KAZN: variants seen among roughly 807,000 people sequenced by gnomAD.
The protein encoded by KAZN is kazrin.
Under a neutral mutation model 87.4 loss-of-function variants are expected in KAZN, and 40 were observed. The observed-to-expected ratio is 0.46, with a 90% CI of 0.36 to 0.60. The LOEUF (loss-of-function observed/expected upper bound fraction) is 0.60. KAZN is among the 20% of genes least tolerant of loss of function. KAZN has a pLI of 0.00. For synonymous variants in KAZN, 466 were observed against 458.3 expected (o/e 1.02, Z -0.22); for missense variants, 898 against 1,073.9 (o/e 0.84, Z 2.29).
chr1:14,392,745 C>T (rs529401907), intron 2 of KAZN, among the ~76,000 whole-genome samples: 56 of 151,124 alleles, frequency 3.7e-4, no homozygotes, highest in Non-Finnish European at 6.6e-4. Flanking sequence ...TGGGCGGAGG[C>T]GGGTGTGGGG....
chr1:14,232,261 G>A (rs765054445), intron 2 of KAZN, among the ~76,000 whole-genome samples: 10 of 152,148 alleles, frequency 6.6e-5, no homozygotes, highest in East Asian at 1.9e-4. Flanking sequence ...GTGTGTGTGC[G>A]CATGTATGTG....
At chr1:14,453,253 C>G (rs968461318) in intron 2 of KAZN, among the ~76,000 whole-genome samples, 3 of 152,012 alleles carry the variant, frequency 2.0e-5, no homozygotes, top group Non-Finnish European at 4.4e-5. Context: ...CCGTGCCTGG[C>G]CAAAATAGGC....
chr1:14,265,532 C>T (rs1399995224), intron 2 of KAZN, among the ~76,000 whole-genome samples: 1 of 152,138 alleles, frequency 6.6e-6, no homozygotes, highest in Non-Finnish European at 1.5e-5. Flanking sequence ...GTCAAGTGAC[C>T]ACAAGTGTCA....
intron 1 of KAZN, among the ~76,000 whole-genome samples, chr1:14,849,384 T>C (rs1402497745): frequency 6.6e-6 from 1 of 152,186 alleles, no homozygotes; most frequent in Non-Finnish European, 1.5e-5. Flanking sequence ...TATTTGCCAC[T>C]AACATTTTTG....
intron 1 of KAZN, chr1:14,692,047 T>TAA: frequency 1.8e-5 from 4 of 225,836 alleles, no homozygotes; most frequent in East Asian, 9.6e-5. Flanking sequence ...ACAGTAGTGG[T>TAA]AAAAAAAAAA....
intron 2 of KAZN, among the ~76,000 whole-genome samples, chr1:15,008,929 T>C (rs1347617843): frequency 2.0e-5 from 3 of 152,234 alleles, no homozygotes; most frequent in African/African-American, 7.2e-5. Context: ...GTTCCTGTTA[T>C]TCCCCCCTGG....
chr1:14,041,307 A>G (rs1204351055), intron 1 of KAZN, among the ~76,000 whole-genome samples: 1 of 152,226 alleles, frequency 6.6e-6, no homozygotes, highest in Admixed American at 6.5e-5. Context: ...CATTATTATG[A>G]CTATGCAGAT....
intron 1 of KAZN, among the ~76,000 whole-genome samples, chr1:14,129,881 G>A (rs1461139670): frequency 1.1e-4 from 16 of 152,184 alleles, no homozygotes; most frequent in Non-Finnish European, 2.2e-4. Flanking sequence ...CGATTCTGCT[G>A]CCTGATGGAT....
rs1253831113 is a variant in KAZN, at chr1:15,081,231, G to C, written c.1223-12949G>C. Among the ~76,000 whole-genome samples, 4 of 152,362 alleles carry C rather than the reference G, an allele frequency of 2.6e-5. No individual in the cohort carries two copies. Among genetic ancestry groups the C allele is most frequent in the Middle Eastern group, 3.4e-3 (1 of 294 alleles). On this transcript the variant is annotated intron_variant, in intron 8 of 14. Coordinates refer to ENST00000376030, the MANE Select transcript of KAZN (RefSeq NM_201628.3). This position sits in a 1 kb window ranked among gnomAD's most constrained non-coding sequence, Gnocchi z 4.1. ...TGCTGGGCCAGGGCTGGCTCACACA[G>C]GCCCACGGATGGCTCTCTTCCCAAC...
At chr1:13,995,219 C>CAAAAAAAAAAAAAAAAAA (rs113600200) in intron 1 of KAZN, among the ~76,000 whole-genome samples, 5 of 107,382 alleles carry the variant, frequency 4.7e-5, no homozygotes, top group Admixed American at 1.0e-4. Flanking sequence ...TGCAATAAGG[C>CAAAAAAAAAAAAAAAAAA]AAAAAAAAAA....
At chr1:14,715,833 T>C (rs1203884090) in intron 1 of KAZN, among the ~76,000 whole-genome samples, 1 of 152,134 alleles carries the variant, frequency 6.6e-6, no homozygotes, top group African/African-American at 2.4e-5. Context: ...AAGCTCCAAA[T>C]CTCCATCACA....
chr1:14,785,515 G>A (rs1232932909), intron 1 of KAZN, among the ~76,000 whole-genome samples: 1 of 152,006 alleles, frequency 6.6e-6, no homozygotes, highest in Non-Finnish European at 1.5e-5. Context: ...CACCTCCTCC[G>A]CGGGAGCTTC....
At chr1:14,428,726 G>A (rs1419031514) in intron 2 of KAZN, among the ~76,000 whole-genome samples, 2 of 152,080 alleles carry the variant, frequency 1.3e-5, no homozygotes, top group African/African-American at 4.8e-5. Context: ...AGCTAAGAGG[G>A]AAGCCCCTTA....
chr1:14,416,330 C>T (rs578004440), intron 2 of KAZN, among the ~76,000 whole-genome samples: 4 of 152,262 alleles, frequency 2.6e-5, no homozygotes, highest in Admixed American at 6.5e-5. Context: ...TAAAATATTA[C>T]GGAATGTCAC....
chr1:14,063,482 T>C (rs1182561385), intron 1 of KAZN, among the ~76,000 whole-genome samples: 2 of 152,112 alleles, frequency 1.3e-5, no homozygotes, highest in South Asian at 2.1e-4. Flanking sequence ...GGGTGCCCAA[T>C]TGAGTACCCA....
intron 2 of KAZN, among the ~76,000 whole-genome samples, chr1:14,486,900 C>T (rs573440742): frequency 2.6e-5 from 4 of 152,320 alleles, no homozygotes; most frequent in Admixed American, 6.5e-5. Context: ...CTGTAAATTA[C>T]GGGTTCTGTC....
chr1:14,429,633 G>A (rs987608773), intron 2 of KAZN, among the ~76,000 whole-genome samples: 2 of 152,118 alleles, frequency 1.3e-5, no homozygotes, highest in Non-Finnish European at 2.9e-5. Context: ...AGTAATGACA[G>A]TGCAACCATG....
At chr1:14,887,996 C>G (rs985082525) in intron 1 of KAZN, among the ~76,000 whole-genome samples, 2 of 151,402 alleles carry the variant, frequency 1.3e-5, no homozygotes, top group Admixed American at 1.3e-4. Flanking sequence ...AAAATGGCAC[C>G]AAATGAGCCT....
intron 1 of KAZN, among the ~76,000 whole-genome samples, chr1:14,874,354 T>C (rs112876001): frequency 1.8e-3 from 277 of 152,318 alleles, no homozygotes; most frequent in Non-Finnish European, 3.5e-3. Context: ...TGTTAGATGC[T>C]GCTGACAGAT....
Sources: gnomAD v4.1 joint callset for allele counts (sites outside exome capture counted in the v4.1 genomes callset) on GRCh38, gnomAD v4.1.1 for gene constraint, Gnocchi (gnomAD v3.1) non-coding constraint, MANE v1.5 for transcripts, NCBI Gene and HGNC (gene_info 2026-07-23, HGNC 2026-07-21) for gene names.